ST8SIA6: variants seen among roughly 807,000 people sequenced by gnomAD.
ST8SIA6 encodes the protein alpha-2,8-sialyltransferase 8F.
In ST8SIA6, 39 loss-of-function variants were observed where a neutral mutation model predicts 33.6. The ratio of observed to expected loss-of-function variants is 1.16; its 90% CI spans 0.90 to 1.52. The LOEUF (loss-of-function observed/expected upper bound fraction) is 1.52, where lower values mean the gene tolerates loss of function less well. Among genes scored for constraint, ST8SIA6 ranks in the 40% most tolerant of loss-of-function variants. The pLI is 0.00. For synonymous variants in ST8SIA6, 172 were observed against 167.2 expected (o/e 1.03, Z -0.22); for missense variants, 441 against 443.8 (o/e 0.99, Z 0.06).
chr10:17,412,042 C>T (rs2131696050), intron 2 of ST8SIA6, among the ~76,000 whole-genome samples: 1 of 152,202 alleles, frequency 6.6e-6, no homozygotes, highest in East Asian at 1.9e-4. Context: ...ACCCTGGCCC[C>T]TCTTGCCTCC....
chr10:17,423,874 T>A (rs1851854893), intron 2 of ST8SIA6, among the ~76,000 whole-genome samples: 1 of 152,204 alleles, frequency 6.6e-6, no homozygotes, highest in South Asian at 2.1e-4. Flanking sequence ...TGTAGATAAC[T>A]AAAGTGATGC....
chr10:17,432,999 A>C (rs79619749), intron 2 of ST8SIA6, among the ~76,000 whole-genome samples: 9 of 152,260 alleles, frequency 5.9e-5, no homozygotes, highest in African/African-American at 1.9e-4. Context: ...CACTCTGACA[A>C]TGAGGCATCC....
rs71393003 is a variant in ST8SIA6, at chr10:17,338,031, C to CTTT, written c.378-6482_378-6480dup. The stretch of plus-strand genomic sequence containing the variant: ...ACACAAGGAGGCAGAAAATACTATT[C>CTTT]TTTTTTTTTTTTTTTTTTTTGAGAC... On this transcript the variant is annotated intron_variant, in intron 4 of 7. Coordinates refer to ENST00000377602, the MANE Select transcript of ST8SIA6 (RefSeq NM_001004470.3). Among the ~76,000 whole-genome samples the CTTT allele has an allele frequency of 8.9e-4, 117 of 131,434 alleles. 2 individuals are homozygous for CTTT. The South Asian group carries it at 0.023, about 25-fold the overall frequency. The allele number at this position is 131,434 out of a possible 152,430, so 86.2% of individuals were successfully genotyped here. A position where few individuals can be genotyped will look rare whatever the true frequency, so the allele number is the denominator to read the frequency against.
chr10:17,323,003 G>T, intron 7 of ST8SIA6, 62 bp downstream of exon 7: 1 of 1,461,748 alleles, frequency 6.8e-7, no homozygotes, highest in South Asian at 1.2e-5. Flanking sequence ...TGCTTAAGCT[G>T]AGAAACATGT....
intron 5 of ST8SIA6, among the ~76,000 whole-genome samples, chr10:17,330,113 T>C (rs1033432064): frequency 2.0e-5 from 3 of 152,178 alleles, no homozygotes; most frequent in African/African-American, 7.2e-5. Flanking sequence ...TGCTGCTGTA[T>C]TGACTGCAGA....
intron 2 of ST8SIA6, among the ~76,000 whole-genome samples, chr10:17,395,636 A>G (rs1850778471): frequency 6.6e-6 from 1 of 152,192 alleles, no homozygotes; most frequent in African/African-American, 2.4e-5. Context: ...TAATCTGAGC[A>G]CTTTGGGAGG....
intron 4 of ST8SIA6, among the ~76,000 whole-genome samples, chr10:17,337,782 G>C (rs2131593338): frequency 6.6e-6 from 1 of 152,278 alleles, no homozygotes; most frequent in Non-Finnish European, 1.5e-5. Flanking sequence ...AATGGGTATG[G>C]CCATTGCTCC....
chr10:17,410,273 CA>C (rs1203290950), intron 2 of ST8SIA6: 1 of 152,106 alleles, frequency 6.6e-6, no homozygotes, highest in Non-Finnish European at 1.5e-5. Context: ...GAGTATGTCA[CA>C]ATAAAGTATA....
intron 3 of ST8SIA6, among the ~76,000 whole-genome samples, chr10:17,362,478 T>C (rs1395628524): frequency 6.6e-6 from 1 of 152,190 alleles, no homozygotes; most frequent in Non-Finnish European, 1.5e-5. Flanking sequence ...TATATTTAAA[T>C]TGATATACTT....
intron 2 of ST8SIA6, among the ~76,000 whole-genome samples, chr10:17,404,312 CAG>C (rs1228507020): frequency 6.6e-6 from 1 of 152,112 alleles, no homozygotes; most frequent in Non-Finnish European, 1.5e-5. Flanking sequence ...GTTTTGAACT[CAG>C]ACGTTACGCC....
chr10:17,341,916 AAAAAAC>A (rs1331068395), intron 4 of ST8SIA6, among the ~76,000 whole-genome samples: 5 of 150,930 alleles, frequency 3.3e-5, no homozygotes, highest in African/African-American at 1.2e-4. Flanking sequence ...AAAAAAAAAA[AAAAAAC>A]AAAAAGAAAG....
intron 2 of ST8SIA6, among the ~76,000 whole-genome samples, chr10:17,398,359 G>A (rs1564444782): frequency 6.6e-6 from 1 of 151,754 alleles, no homozygotes; most frequent in Non-Finnish European, 1.5e-5. Context: ...GACTCTGATA[G>A]TGCGAAGAAT....
At chr10:17,421,041 T>G (rs1416065602) in intron 2 of ST8SIA6, among the ~76,000 whole-genome samples, 2 of 152,178 alleles carry the variant, frequency 1.3e-5, no homozygotes, top group Non-Finnish European at 2.9e-5. Context: ...TCCAGCCCCA[T>G]GATCCAATCA....
At chr10:17,338,486 T>C in intron 4 of ST8SIA6, among the ~76,000 whole-genome samples, 1 of 152,234 alleles carries the variant, frequency 6.6e-6, no homozygotes, top group East Asian at 1.9e-4. Context: ...GGAAATGTCA[T>C]TATCTAAGCC....
chr10:17,437,696 CCCTT>C (rs1371327736), intron 2 of ST8SIA6, among the ~76,000 whole-genome samples: 1 of 145,830 alleles, frequency 6.9e-6, no homozygotes, highest in Non-Finnish European at 1.5e-5. Context: ...TTTCTCCCTT[CCCTT>C]CCTTCCCTTC....
chr10:17,405,841 C>T (rs1209122129), intron 2 of ST8SIA6, among the ~76,000 whole-genome samples: 1 of 145,492 alleles, frequency 6.9e-6, no homozygotes, highest in Admixed American at 7.0e-5. Flanking sequence ...ACGATCATGC[C>T]ATCATTGCAC....
chr10:17,321,937 T>C (rs960863407), intron 7 of ST8SIA6, among the ~76,000 whole-genome samples: 1 of 151,980 alleles, frequency 6.6e-6, no homozygotes, highest in African/African-American at 2.4e-5. Context: ...CCCACATCTC[T>C]ATAAAAAATA....
At chr10:17,374,279 T>C (rs1488433271) in intron 3 of ST8SIA6, among the ~76,000 whole-genome samples, 1 of 152,126 alleles carries the variant, frequency 6.6e-6, no homozygotes, top group East Asian at 1.9e-4. Context: ...TAAGAGAGAC[T>C]ATGCTTTCAA....
At chr10:17,406,930 G>A (rs1223687329) in intron 2 of ST8SIA6, among the ~76,000 whole-genome samples, 5 of 152,036 alleles carry the variant, frequency 3.3e-5, no homozygotes, top group Non-Finnish European at 7.4e-5. Flanking sequence ...AAGTAGCTGG[G>A]ATTACAGGCA....
Sources: allele counts gnomAD v4.1 joint callset (sites outside exome capture counted in the v4.1 genomes callset), GRCh38; gene constraint gnomAD v4.1.1; transcripts MANE v1.5; gene names NCBI Gene and HGNC (gene_info 2026-07-23, HGNC 2026-07-21).